The following MMP20 variants were observed in gnomAD, a reference collection of about 807,000 sequenced individuals.
MMP20 encodes matrix metallopeptidase 20.
In MMP20, 50 loss-of-function variants were observed where a neutral mutation model predicts 51.8. The observed-to-expected ratio is 0.97, with a 90% CI of 0.77 to 1.22. The LOEUF (loss-of-function observed/expected upper bound fraction) is 1.22, where lower values mean the gene tolerates loss of function less well. Among genes scored for constraint, MMP20 ranks in the 50% most tolerant of loss-of-function variants. MMP20 has a pLI of 0.00. For missense variants in MMP20, 663 were observed against 601.4 expected (o/e 1.10, Z -1.07); for synonymous variants, 244 against 216.2 (o/e 1.13, Z -1.13).
chr11:102,604,415 C>A (rs1281349521), intron 6 of MMP20, among the ~76,000 whole-genome samples: 1 of 152,162 alleles, frequency 6.6e-6, no homozygotes, highest in Non-Finnish European at 1.5e-5. Flanking sequence ...AAATTAATAA[C>A]ACAAAAGAAT....
chr11:102,589,984 T>C (rs2135931908), intron 8 of MMP20, among the ~76,000 whole-genome samples: 1 of 152,270 alleles, frequency 6.6e-6, no homozygotes, highest in East Asian at 1.9e-4. Flanking sequence ...GCCCCGAGTC[T>C]GACTGTACAG....
Position 102,611,704 on chromosome 11 carries a change from T to C in MMP20, c.523+51A>G, listed in dbSNP as rs143787079. The stretch of plus-strand genomic sequence containing the variant: ...AATTAAAGATGTAGAAGGAACAGTA[T>C]TGGGACAACTCTCCTTTGAATTAGT... On this transcript the variant is annotated intron_variant, in intron 3 of 9. Transcript: ENST00000260228. 1.7e-4 allele frequency: 270 copies of C among 1,600,596 alleles called. No individual in the cohort carries two copies. In the African/African-American group the frequency reaches 2.8e-3, roughly 16 times the overall value.
rs1859806946 is a variant in MMP20 at position 102,625,227 on chromosome 11, G to C, written c.93C>G (p.Pro31=). Residue 31 remains proline, a synonymous_variant, in exon 1 of 10, where the codon CCC becomes CCG. Coordinates refer to ENST00000260228, the MANE Select transcript of MMP20 (RefSeq NM_004771.4). The part of the protein sequence containing the change: ...TAAPSLVAAS[P]RTWRNNYRLA... ...GGCGGTAGTTGTTCCTCCAGGTCCTGGGGGAGGCTGCAACTAGGGAGGGGG... is the reference window on the plus strand; with the variant it reads ...GGCGGTAGTTGTTCCTCCAGGTCCTCGGGGAGGCTGCAACTAGGGAGGGGG... 1 of 1,613,910 alleles carries C rather than the reference G, an allele frequency of 6.2e-7. No individual in the cohort carries two copies. The highest frequency in any genetic ancestry group is 1.7e-5 in the Admixed American group (1 of 60,020).
At chr11:102,623,557 C>G (rs1262369746) in intron 1 of MMP20, among the ~76,000 whole-genome samples, 1 of 152,200 alleles carries the variant, frequency 6.6e-6, no homozygotes, top group Non-Finnish European at 1.5e-5. Context: ...AAACTGTCTT[C>G]TATGAAACTG....
chr11:102,580,682 A>G (rs1859182019), intron 8 of MMP20, among the ~76,000 whole-genome samples: 1 of 152,016 alleles, frequency 6.6e-6, no homozygotes, highest in Non-Finnish European at 1.5e-5. Context: ...AGGGGCCTGC[A>G]TAACAAACAC....
intron 1 of MMP20, among the ~76,000 whole-genome samples, chr11:102,617,462 G>T (rs1418444311): frequency 2.0e-5 from 3 of 152,120 alleles, no homozygotes; most frequent in Non-Finnish European, 2.9e-5. Context: ...CAAAACAAAG[G>T]CTATCTGGTT....
intron 6 of MMP20, among the ~76,000 whole-genome samples, chr11:102,595,612 T>C (rs946327949): frequency 3.3e-5 from 5 of 152,254 alleles, no homozygotes; most frequent in Non-Finnish European, 7.3e-5. Context: ...GTTATGGTGT[T>C]GCCTACATAA....
chr11:102,584,400 T>C (rs1859230713), intron 8 of MMP20, among the ~76,000 whole-genome samples: 3 of 152,234 alleles, frequency 2.0e-5, no homozygotes, highest in Admixed American at 1.3e-4. Context: ...CATCTTTTCA[T>C]GTGCTTATTG....
At chr11:102,611,965 T>C in intron 2 of MMP20, 62 bp from the exon 3 acceptor site, 1 of 1,470,550 alleles carries the variant, frequency 6.8e-7, no homozygotes, top group East Asian at 2.3e-5. Flanking sequence ...GCAAGAATTA[T>C]ATGTTGTATT....
At chr11:102,617,164 A>G (rs1859685599) in intron 1 of MMP20, 105 bp from the exon 2 acceptor site, 2 of 1,368,944 alleles carry the variant, frequency 1.5e-6, no homozygotes, top group Non-Finnish European at 2.1e-6. Flanking sequence ...AGCAGTGTGT[A>G]GAGTATTTTC....
chr11:102,618,500 TTATCC>T (rs1283654718), intron 1 of MMP20, among the ~76,000 whole-genome samples: 1 of 151,774 alleles, frequency 6.6e-6, no homozygotes, highest in Non-Finnish European at 1.5e-5. Flanking sequence ...ATTATATATA[TTATCC>T]TATATTTATA....
In MMP20 at chr11:102,588,247, C is replaced by G. The variant is rs552595278; in HGVS notation, c.1247+5192G>C. ...TCCTATATAACTCTATTTCTCTCCC[C>G]TTCCTTCTGTGTTATTATTGTTATA... On this transcript the variant is annotated intron_variant, in intron 8 of 9. Transcript: ENST00000260228. Among the ~76,000 whole-genome samples the G allele has an allele frequency of 2.4e-3, 367 of 152,120 alleles. 3 individuals carry two copies. The highest frequency in any genetic ancestry group is 1.9e-3 in the Non-Finnish European group (127 of 67,948).
At chr11:102,611,611 T>C (rs1859600578) in intron 3 of MMP20, 144 bp downstream of exon 3, 1 of 952,248 alleles carries the variant, frequency 1.1e-6, no homozygotes, top group Non-Finnish European at 1.6e-6. Context: ...ATGAAGATCA[T>C]GGCTTTGCCA....
At chr11:102,604,861 A>AT (rs1042449564) in intron 6 of MMP20, among the ~76,000 whole-genome samples, 6 of 152,170 alleles carry the variant, frequency 3.9e-5, no homozygotes, top group Admixed American at 3.3e-4. Context: ...GTAAAATCCT[A>AT]TTTTTTTAGA....
At chr11:102,614,250 T>C (rs1859639126) in intron 2 of MMP20, among the ~76,000 whole-genome samples, 1 of 152,240 alleles carries the variant, frequency 6.6e-6, no homozygotes, top group Non-Finnish European at 1.5e-5. Flanking sequence ...TTTCCTTTTG[T>C]AATCCTCTGG....
chr11:102,579,218 G>A, intron 8 of MMP20, 76 bp from the exon 9 acceptor site: 1 of 939,704 alleles, frequency 1.1e-6, no homozygotes, highest in Admixed American at 1.9e-5. Flanking sequence ...TACTGGTCAG[G>A]CATATGGACA....
intron 6 of MMP20, 137 bp downstream of exon 6, chr11:102,606,398 C>T (rs1565396214): frequency 8.5e-7 from 1 of 1,170,066 alleles, no homozygotes; most frequent in East Asian, 2.6e-5. Context: ...AAGACCCCTG[C>T]CTACCACCCT....
At chr11:102,599,115 C>T (rs1276476124) in intron 6 of MMP20, among the ~76,000 whole-genome samples, 1 of 151,082 alleles carries the variant, frequency 6.6e-6, no homozygotes, top group Admixed American at 6.6e-5. Context: ...TGGGTTCAAA[C>T]GATTCTCCTG....
intron 8 of MMP20, among the ~76,000 whole-genome samples, chr11:102,592,369 A>G (rs983223283): frequency 6.6e-6 from 1 of 152,226 alleles, no homozygotes; most frequent in African/African-American, 2.4e-5. Flanking sequence ...GGCCCAGAAG[A>G]GTCAGCAGAG....
Sources: allele counts gnomAD v4.1 joint callset (sites outside exome capture counted in the v4.1 genomes callset), GRCh38; gene constraint gnomAD v4.1.1; transcripts MANE v1.5; gene names NCBI Gene and HGNC (gene_info 2026-07-23, HGNC 2026-07-21).